The following PLEKHG1 variants were observed in gnomAD, a reference collection of about 807,000 sequenced individuals.
PLEKHG1 encodes the protein pleckstrin homology domain-containing family G member 1.
Under a neutral mutation model 100.8 loss-of-function variants are expected in PLEKHG1, and 44 were observed. That is an observed-to-expected ratio of 0.44 (90% CI 0.34 to 0.56). The LOEUF (loss-of-function observed/expected upper bound fraction) is 0.56, where lower values mean the gene tolerates loss of function less well. PLEKHG1 is among the 20% of genes least tolerant of loss of function. PLEKHG1 has a pLI of 0.01. For synonymous variants in PLEKHG1, 640 were observed against 662.5 expected (o/e 0.97, Z 0.52); for missense variants, 1,545 against 1,720.9 (o/e 0.90, Z 1.81).
intron 1 of PLEKHG1, among the ~76,000 whole-genome samples, chr6:150,634,101 G>A (rs912072767): frequency 4.6e-5 from 7 of 151,624 alleles, no homozygotes; most frequent in Non-Finnish European, 7.4e-5. Context: ...AAAAAAATCC[G>A]GGCGTGGTGG....
At chr6:150,674,683 C>CTCTCTCTCT (rs1562427867) in intron 3 of PLEKHG1, among the ~76,000 whole-genome samples, 1 of 103,612 alleles carries the variant, frequency 9.7e-6, no homozygotes, top group African/African-American at 3.4e-5. Context: ...CTCTCTCTCT[C>CTCTCTCTCT]CCCCCTCTTC....
intron 1 of PLEKHG1, among the ~76,000 whole-genome samples, chr6:150,604,186 C>T: frequency 6.6e-6 from 1 of 152,292 alleles, no homozygotes; most frequent in Middle Eastern, 3.4e-3. Context: ...TTAGTATTCT[C>T]ATAAGAGGAA....
intron 2 of PLEKHG1, among the ~76,000 whole-genome samples, chr6:150,753,361 G>A (rs1433596791): frequency 2.0e-5 from 3 of 151,852 alleles, no homozygotes; most frequent in Non-Finnish European, 4.4e-5. Flanking sequence ...ATTTTCTTTT[G>A]AAAAAAGCCT....
At chr6:150,774,890 T>A (rs1055093709) in intron 3 of PLEKHG1, among the ~76,000 whole-genome samples, 7 of 152,212 alleles carry the variant, frequency 4.6e-5, no homozygotes, top group African/African-American at 1.7e-4. Flanking sequence ...AAAAAAAATT[T>A]TTTTTCAGAC....
chr6:150,626,593 A>T (rs1777522958), intron 1 of PLEKHG1, among the ~76,000 whole-genome samples: 1 of 152,202 alleles, frequency 6.6e-6, no homozygotes. Context: ...AGGGCTTCAG[A>T]TGTACCCTGC....
chr6:150,666,762 A>AT (rs556659789), intron 3 of PLEKHG1, among the ~76,000 whole-genome samples: 2,023 of 143,018 alleles, frequency 0.014, 27 homozygotes, highest in South Asian at 0.066. Flanking sequence ...TGCATTGATA[A>AT]TTTTTTTTTT....
At chr6:150,603,548 A>G (rs535881509) in intron 1 of PLEKHG1, among the ~76,000 whole-genome samples, 84 of 152,174 alleles carry the variant, frequency 5.5e-4, no homozygotes, top group Non-Finnish European at 1.0e-3. Flanking sequence ...TAGCGTATCT[A>G]ATGCTGCAAA....
At chr6:150,675,319 C>T (rs1779719141) in intron 3 of PLEKHG1, among the ~76,000 whole-genome samples, 1 of 152,196 alleles carries the variant, frequency 6.6e-6, no homozygotes, top group African/African-American at 2.4e-5. Context: ...ACACGCGGCT[C>T]ATAAGTGGCA....
At chr6:150,732,193 T>C (rs1309067951) in intron 1 of PLEKHG1, among the ~76,000 whole-genome samples, 2 of 147,398 alleles carry the variant, frequency 1.4e-5, no homozygotes, top group Non-Finnish European at 2.9e-5. Context: ...ACTTTGCAGA[T>C]AGTTTTTATT....
intron 1 of PLEKHG1, among the ~76,000 whole-genome samples, chr6:150,628,892 G>C (rs1331913948): frequency 6.6e-6 from 1 of 152,148 alleles, no homozygotes; most frequent in Non-Finnish European, 1.5e-5. Flanking sequence ...CTTTGCAGAG[G>C]ACTGGAATGC....
chr6:150,654,056 C>T (rs982696116), intron 3 of PLEKHG1, among the ~76,000 whole-genome samples: 1 of 152,186 alleles, frequency 6.6e-6, no homozygotes, highest in Non-Finnish European at 1.5e-5. Flanking sequence ...ACATTTTGTT[C>T]TGTGTGCCTT....
chr6:150,724,570 T>TG (rs1781868383), intron 1 of PLEKHG1, among the ~76,000 whole-genome samples: 1 of 148,134 alleles, frequency 6.8e-6, no homozygotes, highest in African/African-American at 2.5e-5. Context: ...TTTTTTTTTT[T>TG]TTTTTTTGAG....
chr6:150,814,711 TG>T (rs1342037714), intron 10 of PLEKHG1, among the ~76,000 whole-genome samples: 1 of 152,182 alleles, frequency 6.6e-6, no homozygotes, highest in Non-Finnish European at 1.5e-5. Context: ...CACCTTTTTT[TG>T]TTTTGTTTTG....
rs762887835 is a variant in PLEKHG1, at chr6:150,831,142, A to G, written c.2031A>G (p.Glu677=). 1 of 1,613,952 alleles carries G rather than the reference A, an allele frequency of 6.2e-7. No individual in the cohort carries two copies. Among genetic ancestry groups the G allele is most frequent in the East Asian group, 2.2e-5 (1 of 44,884 alleles). Residue 677 remains glutamate, a synonymous_variant, in exon 15 of 16, where the codon GAA becomes GAG. Coordinates refer to ENST00000358517, the Ensembl canonical transcript of PLEKHG1. This position sits in a 1 kb window ranked among gnomAD's most constrained non-coding sequence, Gnocchi z 4.1. ...TAAAACTAATGGTTGCTAAGCGGGA[A>G]GAAGCTGAATCCACTCCCTCTAAAT...
chr6:150,834,283 CTG>C (rs1777111266), intron 15 of PLEKHG1, among the ~76,000 whole-genome samples: 1 of 152,176 alleles, frequency 6.6e-6, no homozygotes, highest in Non-Finnish European at 1.5e-5. Context: ...GGGAAAGTGA[CTG>C]AGTTCCCGCT....
intron 2 of PLEKHG1, among the ~76,000 whole-genome samples, chr6:150,747,790 G>C (rs1783243493): frequency 1.3e-5 from 2 of 152,192 alleles, no homozygotes; most frequent in African/African-American, 4.8e-5. Context: ...CAGCTACTCG[G>C]GAGGCTGAGG....
At chr6:150,691,990 C>A (rs540582779) in intron 3 of PLEKHG1, among the ~76,000 whole-genome samples, 11 of 152,294 alleles carry the variant, frequency 7.2e-5, no homozygotes, top group Middle Eastern at 3.4e-3. Context: ...GTTCCTGTCC[C>A]GCTGGGACAT....
intron 2 of PLEKHG1, among the ~76,000 whole-genome samples, chr6:150,761,624 G>A (rs1784167452): frequency 6.6e-6 from 1 of 152,176 alleles, no homozygotes; most frequent in Non-Finnish European, 1.5e-5. Context: ...ATGATTGTCA[G>A]AAGTGTAGGA....
chr6:150,679,272 T>C (rs1226895252), intron 3 of PLEKHG1, among the ~76,000 whole-genome samples: 1 of 152,226 alleles, frequency 6.6e-6, no homozygotes, highest in African/African-American at 2.4e-5. Flanking sequence ...GTTGTAATCA[T>C]ATAATAAATA....
Sources: allele counts gnomAD v4.1 joint callset (sites outside exome capture counted in the v4.1 genomes callset), GRCh38; gene constraint gnomAD v4.1.1; non-coding constraint Gnocchi (gnomAD v3.1); transcripts MANE v1.5; gene names NCBI Gene and HGNC (gene_info 2026-07-23, HGNC 2026-07-21).